Variants in STRN3 observed in about 807,000 individuals in gnomAD.
STRN3 encodes striatin-3.
A neutral mutation model predicts 95.6 loss-of-function variants in STRN3; 29 were observed. That is an observed-to-expected ratio of 0.30 (90% CI 0.23 to 0.41). STRN3 has a LOEUF of 0.41. Among genes scored for constraint, STRN3 ranks in the 10% least tolerant of loss-of-function variants. The pLI is 1.00. For synonymous variants in STRN3, 331 were observed against 357.6 expected (o/e 0.93, Z 0.84); for missense variants, 890 against 972.1 (o/e 0.92, Z 1.12).
chr14:30,918,821 A>T, intron 9 of STRN3, 145 bp downstream of exon 9: 1 of 784,826 alleles, frequency 1.3e-6, no homozygotes, highest in Non-Finnish European at 1.8e-6. Flanking sequence ...TAAATTAGTT[A>T]CATCAAGAGC....
At chr14:30,961,657 G>C (rs1012801073) in intron 1 of STRN3, among the ~76,000 whole-genome samples, 3 of 152,110 alleles carry the variant, frequency 2.0e-5, no homozygotes, top group Non-Finnish European at 4.4e-5. Flanking sequence ...TTTTTGTTTT[G>C]AGACACCCAG....
At chr14:31,006,046 G>A (rs1322776787) in intron 1 of STRN3, among the ~76,000 whole-genome samples, 1 of 149,964 alleles carries the variant, frequency 6.7e-6, no homozygotes. Context: ...TTGAACCTGG[G>A]AGGCAGAGGC....
At chr14:31,020,897 C>T (rs531533306) in intron 1 of STRN3, among the ~76,000 whole-genome samples, 22 of 151,786 alleles carry the variant, frequency 1.4e-4, no homozygotes, top group Admixed American at 3.3e-4. Flanking sequence ...CAGAGTAGGA[C>T]GCTCTCTTGA....
chr14:30,900,943 T>C (rs918387589), intron 16 of STRN3, among the ~76,000 whole-genome samples: 2 of 152,108 alleles, frequency 1.3e-5, no homozygotes, highest in African/African-American at 4.8e-5. Flanking sequence ...GCTAATAAAA[T>C]AGCTTTTCAG....
Position 31,026,124 on chromosome 14 carries a change from T to C in STRN3, c.62A>G (p.Gln21Arg). 6.6e-7 allele frequency: 1 copy of C among 1,504,498 alleles called. No individual in the cohort carries two copies. The highest frequency in any genetic ancestry group is 8.8e-7 in the Non-Finnish European group (1 of 1,131,754). 93.2% of individuals were successfully genotyped at this position (1,504,498 alleles called of 1,614,324 possible). A position where few individuals can be genotyped will look rare whatever the true frequency, so the allele number is the denominator to read the frequency against. ...GPGMAAPPRQQQGPGGNLGLS... is the reference protein window; with the variant it reads ...GPGMAAPPRQRQGPGGNLGLS... The stretch of plus-strand genomic sequence containing the variant: ...GCCCAGGTTCCCCCCAGGTCCCTGC[T>C]GCTGCCGGGGAGGGGCCGCCATCCC... Residue 21 changes from glutamine (Q) to arginine (R), a missense_variant, in exon 1 of 18, where the codon CAG (glutamine) becomes CGG (arginine). By Grantham distance (43) the Gln-to-Arg change is conservative. This residue lies in a region of STRN3 where 526 missense variants were observed against 526.3 expected (regional missense o/e 1.00). Coordinates refer to ENST00000357479, the MANE Select transcript of STRN3 (RefSeq NM_001083893.2).
At chr14:30,955,320 T>TA (rs1427167886) in intron 3 of STRN3, among the ~76,000 whole-genome samples, 1 of 152,200 alleles carries the variant, frequency 6.6e-6, no homozygotes, top group Non-Finnish European at 1.5e-5. Context: ...AACAATTAAC[T>TA]AAAATTTTAA....
intron 1 of STRN3, among the ~76,000 whole-genome samples, chr14:31,008,022 C>T (rs1480167541): frequency 2.0e-5 from 3 of 151,528 alleles, no homozygotes; most frequent in Admixed American, 6.6e-5. Context: ...ATGGTTAAAC[C>T]GAGTCTCTAC....
At chr14:31,015,009 T>C (rs1000769401) in intron 1 of STRN3, among the ~76,000 whole-genome samples, 4 of 152,066 alleles carry the variant, frequency 2.6e-5, no homozygotes, top group African/African-American at 9.7e-5. Context: ...TGTATTTTTT[T>C]CTAGAGACAG....
intron 9 of STRN3, among the ~76,000 whole-genome samples, chr14:30,916,399 T>A (rs1896740444): frequency 2.6e-5 from 4 of 151,360 alleles, no homozygotes; most frequent in African/African-American, 9.7e-5. Flanking sequence ...CTCAACCTCC[T>A]GAATAGCTGG....
chr14:30,905,629 T>C, intron 14 of STRN3, 71 bp from the exon 15 acceptor site: 2 of 1,499,580 alleles, frequency 1.3e-6, no homozygotes, highest in Non-Finnish European at 1.8e-6. Flanking sequence ...TTTTGAAATC[T>C]CTGTTTTTCT....
chr14:30,917,439 T>C lies in STRN3; in HGVS notation c.1240+1527A>G, dbSNP rs561898356. Reference sequence around the variant, plus strand: ...TTGCTAACGTGGCTTTGCCTTAAATTGCAAAACCTGCACTTTAAATGTACA... The same window carrying C: ...TTGCTAACGTGGCTTTGCCTTAAATCGCAAAACCTGCACTTTAAATGTACA... On this transcript the variant is annotated intron_variant, in intron 9 of 17. Transcript: ENST00000357479. Among the ~76,000 whole-genome samples, 62 of 152,286 alleles carry C rather than the reference T, an allele frequency of 4.1e-4. 1 individual carries two copies. In the South Asian group the frequency reaches 0.011, roughly 26 times the overall value.
intron 8 of STRN3, 111 bp downstream of exon 8, chr14:30,929,090 G>T (rs1437655992): frequency 1.3e-6 from 1 of 762,302 alleles, no homozygotes; most frequent in Non-Finnish European, 2.1e-6. Context: ...TTTAAAGTTA[G>T]TTGCCCCCTT....
At chr14:31,021,389 A>C (rs1318497321) in intron 1 of STRN3, among the ~76,000 whole-genome samples, 1 of 152,364 alleles carries the variant, frequency 6.6e-6, no homozygotes, top group Non-Finnish European at 1.5e-5. Context: ...AAAATAAAAA[A>C]AAGACACCAA....
intron 7 of STRN3, among the ~76,000 whole-genome samples, chr14:30,933,280 TAA>T (rs35736582): frequency 1.3e-4 from 3 of 22,778 alleles, no homozygotes; most frequent in African/African-American, 3.0e-4. Context: ...CCCTGTTTCA[TAA>T]AAAAAAAAAA....
intron 1 of STRN3, among the ~76,000 whole-genome samples, chr14:31,009,131 ATTAAC>A (rs1215699815): frequency 6.6e-6 from 1 of 152,148 alleles, no homozygotes; most frequent in African/African-American, 2.4e-5. Flanking sequence ...TTTAAAATAA[ATTAAC>A]TTAGTATGAG....
At chr14:30,944,046 C>G (rs1371475121) in intron 5 of STRN3, among the ~76,000 whole-genome samples, 1 of 151,934 alleles carries the variant, frequency 6.6e-6, no homozygotes, top group East Asian at 1.9e-4. Flanking sequence ...TGCACACACA[C>G]TCCAAAAAAC....
intron 1 of STRN3, among the ~76,000 whole-genome samples, chr14:30,995,190 T>TA (rs1882142599): frequency 6.6e-6 from 1 of 152,170 alleles, no homozygotes; most frequent in Non-Finnish European, 1.5e-5. Context: ...CCACGAAAGT[T>TA]AAAAATAAAT....
At chr14:30,936,675 A>G (rs930420941) in intron 5 of STRN3, 51 bp from the exon 6 acceptor site, 13 of 1,559,364 alleles carry the variant, frequency 8.3e-6, no homozygotes, top group Non-Finnish European at 1.0e-5. Context: ...GTTGGTTCTA[A>G]TATTTCTTTC....
At chr14:30,907,075 G>A (rs773799951) in intron 13 of STRN3, 31 bp from the exon 14 acceptor site, 10 of 1,587,234 alleles carry the variant, frequency 6.3e-6, no homozygotes, top group Middle Eastern at 1.7e-4. Context: ...CAAAAAATTA[G>A]GTAAAAGAAG....
Sources: gnomAD v4.1 joint callset for allele counts (sites outside exome capture counted in the v4.1 genomes callset) on GRCh38, gnomAD v4.1.1 for gene constraint, gnomAD v4.1.1 regional missense constraint, MANE v1.5 for transcripts, NCBI Gene and HGNC (gene_info 2026-07-23, HGNC 2026-07-21) for gene names.